LOC122539214: variants seen among roughly 807,000 people sequenced by gnomAD.
the LOC122539214 span, among the ~76,000 whole-genome samples, chr19:52,671,341 C>A: frequency 2.6e-5 from 4 of 152,074 alleles, no homozygotes; most frequent in Admixed American, 2.0e-4. Flanking sequence ...TTGTTGACAA[C>A]ATAATATGCT....
At chr19:52,675,357 C>T in the LOC122539214 span, among the ~76,000 whole-genome samples, 1 of 152,170 alleles carries the variant, frequency 6.6e-6, no homozygotes, top group Admixed American at 6.5e-5. Context: ...CCAGGCAGTA[C>T]AGGAAATGAC....
chr19:52,686,659 T>C, the LOC122539214 span, among the ~76,000 whole-genome samples: 3 of 152,212 alleles, frequency 2.0e-5, no homozygotes, highest in South Asian at 6.2e-4. Flanking sequence ...CTGCAACCTC[T>C]ACCTCCCAGG....
the LOC122539214 span, among the ~76,000 whole-genome samples, chr19:52,673,458 G>A: frequency 3.3e-5 from 5 of 151,766 alleles, no homozygotes; most frequent in Admixed American, 1.3e-4. Flanking sequence ...AGCTGAGATC[G>A]CACCACTACA....
the LOC122539214 span, among the ~76,000 whole-genome samples, chr19:52,678,483 T>C: frequency 6.8e-6 from 1 of 147,896 alleles, no homozygotes; most frequent in Admixed American, 6.7e-5. Flanking sequence ...AAAAAAAAAC[T>C]GGAGGGTAAA....
chr19:52,685,759 A>G, the LOC122539214 span, among the ~76,000 whole-genome samples: 1 of 152,028 alleles, frequency 6.6e-6, no homozygotes, highest in Non-Finnish European at 1.5e-5. Flanking sequence ...TGAGCCAGGC[A>G]TGGTGGCAGG....
chr19:52,689,522 C>T, the LOC122539214 span, among the ~76,000 whole-genome samples: 40 of 152,290 alleles, frequency 2.6e-4, no homozygotes, highest in African/African-American at 8.2e-4. Context: ...CTCCCTCACC[C>T]TGATGAGCCT....
the LOC122539214 span, chr19:52,654,006 A>C: frequency 6.5e-7 from 1 of 1,528,034 alleles, no homozygotes; most frequent in Non-Finnish European, 9.1e-7. Context: ...GCCTACAAGA[A>C]ATTCTTTGGG....
At chr19:52,659,435 T>C in the LOC122539214 span, among the ~76,000 whole-genome samples, 1 of 152,140 alleles carries the variant, frequency 6.6e-6, no homozygotes, top group Non-Finnish European at 1.5e-5. Context: ...TATATAAAAA[T>C]GTTCAGACAG....
chr19:52,650,581 T>C, the LOC122539214 span: 1 of 152,154 alleles, frequency 6.6e-6, no homozygotes, highest in Non-Finnish European at 1.5e-5. Context: ...TCTAATAGAC[T>C]CAGGAGCTTC....
the LOC122539214 span, chr19:52,655,643 C>T: frequency 4.3e-6 from 6 of 1,399,944 alleles, no homozygotes; most frequent in South Asian, 1.2e-5. Context: ...ATTTCCACTC[C>T]TCCAAAGAGA....
At chr19:52,680,239 G>A in the LOC122539214 span, among the ~76,000 whole-genome samples, 18 of 152,056 alleles carry the variant, frequency 1.2e-4, no homozygotes, top group Admixed American at 5.2e-4. Context: ...ACATAACCAG[G>A]CAGAGCCAAG....
chr19:52,652,842 G>T, the LOC122539214 span: 2 of 950,130 alleles, frequency 2.1e-6, no homozygotes. Context: ...GTCTATGATG[G>T]CATACAAAGG....
the LOC122539214 span, chr19:52,653,281 T>G: frequency 1.4e-6 from 2 of 1,455,858 alleles, no homozygotes; most frequent in Non-Finnish European, 9.6e-7. Context: ...GTGTGCTTTT[T>G]GATTAAAAAC....
chr19:52,685,174 C>T, the LOC122539214 span, among the ~76,000 whole-genome samples: 21,769 of 152,124 alleles, frequency 0.14, 1,693 homozygotes, highest in African/African-American at 0.19. Context: ...CTCTATTTTG[C>T]CAATCATTTC....
At chr19:52,677,368 C>A in the LOC122539214 span, among the ~76,000 whole-genome samples, 1 of 150,116 alleles carries the variant, frequency 6.7e-6, no homozygotes, top group Admixed American at 6.6e-5. Context: ...TGCCTGTAAT[C>A]CCAGCTACTC....
chr19:52,676,321 C>T, the LOC122539214 span, among the ~76,000 whole-genome samples: 2 of 152,160 alleles, frequency 1.3e-5, no homozygotes, highest in African/African-American at 2.4e-5. Flanking sequence ...GGCCTGATCT[C>T]GGCTCACTAC....
the LOC122539214 span, among the ~76,000 whole-genome samples, chr19:52,689,454 TCTC>T: frequency 5.3e-5 from 8 of 152,024 alleles, no homozygotes; most frequent in East Asian, 7.8e-4. Flanking sequence ...CTCCCTCTGT[TCTC>T]CTTGCCACCA....
At chr19:52,683,522 A>AGGACCCTCACTCTG in the LOC122539214 span, among the ~76,000 whole-genome samples, 28 of 84,162 alleles carry the variant, frequency 3.3e-4, no homozygotes, top group African/African-American at 7.3e-4. Flanking sequence ...AAGGGAATCC[A>AGGACCCTCACTCTG]AAGGGAAGGG....
chr19:52,657,645 C>T, the LOC122539214 span, among the ~76,000 whole-genome samples: 796 of 152,202 alleles, frequency 5.2e-3, 5 homozygotes, highest in African/African-American at 0.018. Flanking sequence ...GTCAGGAATT[C>T]GCGACCAGCC....
Sources: allele counts gnomAD v4.1 joint callset (sites outside exome capture counted in the v4.1 genomes callset), GRCh38; gene constraint gnomAD v4.1.1; transcripts MANE v1.5.